The following MGAT4D variants were observed in gnomAD, a reference collection of about 807,000 sequenced individuals.
The protein encoded by MGAT4D is alpha-1,3-mannosyl-glycoprotein 4-beta-N-acetylglucosaminyltransferase-like protein MGAT4D.
Under a neutral mutation model 15.9 loss-of-function variants are expected in MGAT4D, and 34 were observed. The ratio of observed to expected loss-of-function variants is 2.14; its 90% confidence interval spans 1.62 to 2.84. The LOEUF (loss-of-function observed/expected upper bound fraction) is 2.84, where lower values mean the gene tolerates loss of function less well. Ranked by LOEUF, MGAT4D falls within the 30% of genes most tolerant of loss-of-function variation. The pLI, the probability that MGAT4D is intolerant of heterozygous loss-of-function variation, is 0.00. For synonymous variants in MGAT4D, 112 were observed against 48.2 expected (o/e 2.33, Z -5.49); for missense variants, 327 against 140.2 (o/e 2.33, Z -6.73).
chr4:140,452,060 G>A (rs536689448), intron 9 of MGAT4D, among the ~76,000 whole-genome samples: 44 of 151,082 alleles, frequency 2.9e-4, no homozygotes, highest in African/African-American at 9.5e-4. Flanking sequence ...ACATTTGAAG[G>A]CCAGGCACAG....
chr4:140,497,805 G>C (rs1483996416), intron 1 of MGAT4D, among the ~76,000 whole-genome samples: 1 of 152,254 alleles, frequency 6.6e-6, no homozygotes. Flanking sequence ...ACAGGAGAGG[G>C]GAAAAGCAGT....
chr4:140,448,820 C>T (rs1236106042), intron 10 of MGAT4D, among the ~76,000 whole-genome samples: 1 of 152,194 alleles, frequency 6.6e-6, no homozygotes, highest in East Asian at 1.9e-4. Context: ...CCTTTCTTCT[C>T]TGAGTGTGGG....
intron 1 of MGAT4D, among the ~76,000 whole-genome samples, chr4:140,488,896 G>T (rs781728890): frequency 8.5e-5 from 13 of 152,210 alleles, no homozygotes; most frequent in Middle Eastern, 3.4e-3. Context: ...TGACATGCCT[G>T]CCTGCTCTGG....
At chr4:140,451,750 A>C (rs1221782162) in intron 9 of MGAT4D, among the ~76,000 whole-genome samples, 1 of 152,134 alleles carries the variant, frequency 6.6e-6, no homozygotes, top group African/African-American at 2.4e-5. Flanking sequence ...TGTCTTAGAA[A>C]AGCAGGTTAG....
chr4:140,454,759 T>A (rs151128310), intron 9 of MGAT4D, among the ~76,000 whole-genome samples: 436 of 152,300 alleles, frequency 2.9e-3, no homozygotes, highest in African/African-American at 0.01. Flanking sequence ...AAATAATAAT[T>A]TAATTTCTTT....
At chr4:140,483,836 T>G (rs1475576903) in intron 1 of MGAT4D, among the ~76,000 whole-genome samples, 1 of 149,138 alleles carries the variant, frequency 6.7e-6, no homozygotes, top group Non-Finnish European at 1.5e-5. Flanking sequence ...TAGATCTTTA[T>G]TTCAACTCGC....
At chr4:140,458,468 G>C (rs1560771110) in intron 8 of MGAT4D, 1 of 152,142 alleles carries the variant, frequency 6.6e-6, no homozygotes, top group East Asian at 1.9e-4. Flanking sequence ...AGTGAATTTG[G>C]ATGTGACTAT....
chr4:140,490,665 A>T (rs892565994), intron 1 of MGAT4D, among the ~76,000 whole-genome samples: 1 of 152,164 alleles, frequency 6.6e-6, no homozygotes, highest in East Asian at 1.9e-4. Context: ...GCAAAAAAAA[A>T]TTTCTTTTCT....
At chr4:140,487,415 C>T (rs1733215250) in intron 1 of MGAT4D, among the ~76,000 whole-genome samples, 1 of 152,134 alleles carries the variant, frequency 6.6e-6, no homozygotes, top group Non-Finnish European at 1.5e-5. Context: ...CAGCAAGGCT[C>T]CAAGGCATTG....
intron 10 of MGAT4D, among the ~76,000 whole-genome samples, chr4:140,444,169 A>C (rs548001961): frequency 4.7e-4 from 71 of 152,310 alleles, no homozygotes; most frequent in Non-Finnish European, 4.4e-5. Flanking sequence ...TCCTTTAATA[A>C]AAGTCAAGGG....
At chr4:140,480,728 AACAC>A (rs10615827) in intron 2 of MGAT4D, among the ~76,000 whole-genome samples, 3,980 of 125,534 alleles carry the variant, frequency 0.032, 73 homozygotes, top group Non-Finnish European at 0.037. Context: ...CTCATCTCTA[AACAC>A]ACACACACAC....
chr4:140,476,175 A>G (rs1394230468), intron 3 of MGAT4D, among the ~76,000 whole-genome samples: 1 of 151,978 alleles, frequency 6.6e-6, no homozygotes, highest in African/African-American at 2.4e-5. Flanking sequence ...CCATTTCTCT[A>G]ATGAGTTGTC....
intron 1 of MGAT4D, among the ~76,000 whole-genome samples, chr4:140,483,137 A>C (rs535305654): frequency 6.6e-6 from 1 of 152,262 alleles, no homozygotes; most frequent in East Asian, 1.9e-4. Flanking sequence ...CATACATAAA[A>C]ATCTCTGCCT....
At chr4:140,486,407 GGTTT>G (rs1331809469) in intron 1 of MGAT4D, among the ~76,000 whole-genome samples, 1 of 151,932 alleles carries the variant, frequency 6.6e-6, no homozygotes, top group Admixed American at 6.6e-5. Flanking sequence ...AGAATGTGCA[GGTTT>G]GTTACATAGA....
At chr4:140,488,574 G>C (rs991502533) in intron 1 of MGAT4D, among the ~76,000 whole-genome samples, 5 of 152,350 alleles carry the variant, frequency 3.3e-5, no homozygotes, top group Admixed American at 2.6e-4. Flanking sequence ...TTTCAGAGAA[G>C]AAGGAAGACT....
chr4:140,443,902 G>A (rs1350927284), intron 10 of MGAT4D, among the ~76,000 whole-genome samples: 1 of 151,882 alleles, frequency 6.6e-6, no homozygotes, highest in Non-Finnish European at 1.5e-5. Context: ...GAGGACTGAA[G>A]AAATTCTGCT....
intron 5 of MGAT4D, among the ~76,000 whole-genome samples, chr4:140,469,462 C>A (rs1560781500): frequency 6.6e-6 from 1 of 152,202 alleles, no homozygotes; most frequent in Non-Finnish European, 1.5e-5. Flanking sequence ...TGTCCCCAGT[C>A]GTCTAAAAAG....
intron 10 of MGAT4D, among the ~76,000 whole-genome samples, chr4:140,449,413 T>C (rs941858463): frequency 2.6e-5 from 4 of 152,206 alleles, no homozygotes; most frequent in African/African-American, 4.8e-5. Flanking sequence ...TAGAGATAAA[T>C]AAAATTATTT....
chr4:140,445,637 T>C (rs1730073210), intron 10 of MGAT4D, among the ~76,000 whole-genome samples: 1 of 152,216 alleles, frequency 6.6e-6, no homozygotes. Context: ...TCCTAGGTTA[T>C]CTTCCAGGGT....
Sources: allele counts gnomAD v4.1 joint callset (sites outside exome capture counted in the v4.1 genomes callset), GRCh38; gene constraint gnomAD v4.1.1; transcripts MANE v1.5; gene names NCBI Gene and HGNC (gene_info 2026-07-23, HGNC 2026-07-21).